Variants in GLRA3 observed in about 807,000 individuals in gnomAD.
GLRA3 encodes glycine receptor alpha 3.
A neutral mutation model predicts 60.4 loss-of-function variants in GLRA3; 44 were observed. That is an observed-to-expected ratio of 0.73 (90% CI 0.57 to 0.94). The LOEUF (loss-of-function observed/expected upper bound fraction) is 0.94, where lower values mean the gene tolerates loss of function less well. Ranked by LOEUF, GLRA3 falls within the 40% of genes least tolerant of loss-of-function variation. GLRA3 has a pLI of 0.00. For synonymous variants in GLRA3, 223 were observed against 192.9 expected (o/e 1.16, Z -1.29); for missense variants, 508 against 564.6 (o/e 0.90, Z 1.02).
chr4:174,677,312 AT>A lies in GLRA3; in HGVS notation c.713-21del. The A allele has an allele frequency of 7.2e-7, 1 of 1,390,180 alleles. No homozygotes were observed. The highest frequency in any genetic ancestry group is 1.0e-6 in the Non-Finnish European group (1 of 978,116). 86.1% of individuals were successfully genotyped at this position (1,390,180 alleles called of 1,614,324 possible). Reference sequence around the variant, plus strand: ...ACTTTCCTAATTGGTGGTAAGGTAAATACAGCAATTAGTACAAATAGGTCTT... The same window carrying A: ...ACTTTCCTAATTGGTGGTAAGGTAAAACAGCAATTAGTACAAATAGGTCTT... On this transcript the variant is annotated intron_variant, in intron 6 of 9. Coordinates refer to ENST00000274093, the MANE Select transcript of GLRA3 (RefSeq NM_006529.4).
In GLRA3 at chr4:174,767,017, A is replaced by G. The variant is rs1350541393; in HGVS notation, c.213T>C (p.Asn71=). 2 of 1,597,026 alleles carry G rather than the reference A, an allele frequency of 1.3e-6. No individual in the cohort carries two copies. Among genetic ancestry groups the G allele is most frequent in the East Asian group, 4.5e-5 (2 of 44,660 alleles). Residue 71 remains asparagine, a synonymous_variant, in exon 3 of 10, where the codon AAT becomes AAC. Coordinates refer to ENST00000274093, the MANE Select transcript of GLRA3 (RefSeq NM_006529.4). ...IRPNFKGPPV[N]VTCNIFINSF... ...TGTTGATGAATATGTTGCATGTGACATTAACTGGAGGGCCTGAAAAAGAGA... is the reference window on the plus strand; with the variant it reads ...TGTTGATGAATATGTTGCATGTGACGTTAACTGGAGGGCCTGAAAAAGAGA...
chr4:174,676,876 A>G (rs1734140423), intron 7 of GLRA3, among the ~76,000 whole-genome samples: 1 of 152,210 alleles, frequency 6.6e-6, no homozygotes, highest in Non-Finnish European at 1.5e-5. Flanking sequence ...ACAAAATGTG[A>G]ATAGCGGATA....
intron 4 of GLRA3, among the ~76,000 whole-genome samples, chr4:174,727,443 C>T (rs1395519834): frequency 3.3e-5 from 5 of 152,008 alleles, no homozygotes; most frequent in African/African-American, 7.2e-5. Flanking sequence ...ACCTTGATAC[C>T]TTTTAAAACA....
At chr4:174,790,825 C>CAAAAAAAAAAAAA (rs751090125) in intron 1 of GLRA3, among the ~76,000 whole-genome samples, 35 of 64,964 alleles carry the variant, frequency 5.4e-4, no homozygotes, top group Non-Finnish European at 6.0e-4. Context: ...CTAAAAAATA[C>CAAAAAAAAAAAAA]AAAAAAAAAA....
In GLRA3 at chr4:174,809,399, C is replaced by T. The variant is rs113049271; in HGVS notation, c.71+19342G>A. On this transcript the variant is annotated intron_variant, in intron 1 of 9. Coordinates refer to ENST00000274093, the MANE Select transcript of GLRA3 (RefSeq NM_006529.4). ...CTTTTCCCTGCTGTTAAGCAACAAACGGCTGTAGTCATAATAGTAAGAAAA... is the reference window on the plus strand; with the variant it reads ...CTTTTCCCTGCTGTTAAGCAACAAATGGCTGTAGTCATAATAGTAAGAAAA... Among the ~76,000 whole-genome samples the T allele has an allele frequency of 6.6e-3, 1,009 of 152,142 alleles. 12 individuals are homozygous for T. Among genetic ancestry groups the T allele is most frequent in the African/African-American group, 0.023 (959 of 41,514 alleles).
chr4:174,792,898 T>G (rs938518177), intron 1 of GLRA3, among the ~76,000 whole-genome samples: 2 of 152,158 alleles, frequency 1.3e-5, no homozygotes, highest in Non-Finnish European at 2.9e-5. Flanking sequence ...TGCCAGGTTG[T>G]GGACTTTTCC....
intron 1 of GLRA3, among the ~76,000 whole-genome samples, chr4:174,792,254 C>G (rs762541544): frequency 6.6e-6 from 1 of 152,050 alleles, no homozygotes; most frequent in Non-Finnish European, 1.5e-5. Flanking sequence ...TCCCACAATT[C>G]TAAAAGTCCA....
intron 5 of GLRA3, among the ~76,000 whole-genome samples, chr4:174,702,696 T>C (rs774636622): frequency 5.9e-5 from 9 of 152,212 alleles, no homozygotes; most frequent in Non-Finnish European, 1.3e-4. Context: ...GCCTCCTGAA[T>C]AGCTAGGACT....
At chr4:174,804,455 G>T (rs1050344980) in intron 1 of GLRA3, among the ~76,000 whole-genome samples, 1 of 152,096 alleles carries the variant, frequency 6.6e-6, no homozygotes, top group Non-Finnish European at 1.5e-5. Flanking sequence ...AGAGTTGAGG[G>T]TAGTCTTGGT....
At chr4:174,744,081 CT>C (rs905543987) in intron 3 of GLRA3, among the ~76,000 whole-genome samples, 1 of 152,216 alleles carries the variant, frequency 6.6e-6, no homozygotes, top group African/African-American at 2.4e-5. Context: ...TTCCCCTACT[CT>C]GTATGGTGCT....
intron 7 of GLRA3, among the ~76,000 whole-genome samples, chr4:174,668,500 C>A (rs1222028264): frequency 6.6e-6 from 1 of 152,014 alleles, no homozygotes; most frequent in African/African-American, 2.4e-5. Context: ...TGGAGGTGGT[C>A]AAAAGGATTT....
chr4:174,823,830 T>C (rs947540514), intron 1 of GLRA3, among the ~76,000 whole-genome samples: 2 of 152,168 alleles, frequency 1.3e-5, no homozygotes, highest in Non-Finnish European at 2.9e-5. Flanking sequence ...TATTAATATA[T>C]GCTATTAATA....
chr4:174,717,782 A>G (rs1416114633), intron 4 of GLRA3, among the ~76,000 whole-genome samples: 1 of 152,216 alleles, frequency 6.6e-6, no homozygotes, highest in Non-Finnish European at 1.5e-5. Flanking sequence ...GGTAGACACA[A>G]TGTTTTTTGC....
chr4:174,660,945 G>A (rs901036097), intron 7 of GLRA3, among the ~76,000 whole-genome samples: 1 of 152,134 alleles, frequency 6.6e-6, no homozygotes, highest in African/African-American at 2.4e-5. Flanking sequence ...CGTTTGACAA[G>A]TCGCCCTCAT....
intron 5 of GLRA3, among the ~76,000 whole-genome samples, chr4:174,692,008 C>T (rs1392472180): frequency 2.0e-5 from 3 of 152,008 alleles, no homozygotes; most frequent in Non-Finnish European, 4.4e-5. Flanking sequence ...CCCGCCGCCC[C>T]GTCTGGGATG....
chr4:174,731,245 T>C (rs1264156546), intron 3 of GLRA3, among the ~76,000 whole-genome samples: 1 of 152,208 alleles, frequency 6.6e-6, no homozygotes, highest in Non-Finnish European at 1.5e-5. Flanking sequence ...TTAAGGCTGA[T>C]TCTTCATAGC....
intron 4 of GLRA3, among the ~76,000 whole-genome samples, chr4:174,726,244 T>C (rs1036272031): frequency 1.3e-5 from 2 of 152,202 alleles, no homozygotes; most frequent in African/African-American, 4.8e-5. Flanking sequence ...TTCTATGTGG[T>C]CTTCCTGGCT....
At chr4:174,794,704 C>T (rs547178479) in intron 1 of GLRA3, among the ~76,000 whole-genome samples, 6 of 152,142 alleles carry the variant, frequency 3.9e-5, no homozygotes, top group Admixed American at 6.5e-5. Flanking sequence ...AGTCTTATCT[C>T]ATTTCTTTTG....
chr4:174,674,921 G>A (rs931425523), intron 7 of GLRA3, among the ~76,000 whole-genome samples: 1 of 152,114 alleles, frequency 6.6e-6, no homozygotes, highest in Non-Finnish European at 1.5e-5. Context: ...AATCAGAATT[G>A]TACTTTTAAA....
Sources: allele counts gnomAD v4.1 joint callset (sites outside exome capture counted in the v4.1 genomes callset), GRCh38; gene constraint gnomAD v4.1.1; transcripts MANE v1.5; gene names NCBI Gene and HGNC (gene_info 2026-07-23, HGNC 2026-07-21).